The following IL7 variants were observed in gnomAD, a reference collection of about 807,000 sequenced individuals.
IL7 encodes interleukin 7.
A neutral mutation model predicts 21.6 loss-of-function variants in IL7; 3 were observed. The observed-to-expected ratio is 0.14, with a 90% confidence interval of 0.06 to 0.36. The LOEUF (loss-of-function observed/expected upper bound fraction) is 0.36. Ranked by LOEUF, IL7 falls within the 10% of genes least tolerant of loss-of-function variation. The pLI, the probability that IL7 is intolerant of heterozygous loss-of-function variation, is 1.00. For synonymous variants in IL7, 62 were observed against 68.1 expected, an observed-to-expected ratio of 0.91 and a Z score of 0.44; for missense variants, 175 against 200.2, an observed-to-expected ratio of 0.87 and a Z score of 0.76.
At chr8:78,756,132 T>G (rs918721415) in intron 2 of IL7, among the ~76,000 whole-genome samples, 2 of 152,084 alleles carry the variant, frequency 1.3e-5, no homozygotes, top group African/African-American at 4.8e-5. Context: ...TGTATCACAT[T>G]TATTGATTTG....
At chr8:78,683,013 A>G (rs1809839080) in intron 4 of IL7, among the ~76,000 whole-genome samples, 1 of 152,238 alleles carries the variant, frequency 6.6e-6, no homozygotes, top group Non-Finnish European at 1.5e-5. Context: ...CATCCAGGTC[A>G]TGCTGGTTCA....
At chr8:78,677,890 G>A (rs1809633969) in intron 4 of IL7, among the ~76,000 whole-genome samples, 2 of 152,170 alleles carry the variant, frequency 1.3e-5, no homozygotes, top group South Asian at 2.1e-4. Flanking sequence ...AAGGCTGCTG[G>A]TTGCCCACTT....
chr8:78,761,549 A>G, intron 2 of IL7: 1 of 1,611,910 alleles, frequency 6.2e-7, no homozygotes, highest in East Asian at 2.2e-5. Flanking sequence ...GAAGCCTATA[A>G]ATTCCTCTCT....
At chr8:78,716,795 G>A (rs1024521228), downstream of IL7, among the ~76,000 whole-genome samples, 20 of 152,128 alleles carry the variant, frequency 1.3e-4, no homozygotes, top group Non-Finnish European at 1.0e-4. Context: ...GGTGATAGGC[G>A]ATTGGATCAT....
intron 2 of IL7, among the ~76,000 whole-genome samples, chr8:78,765,561 C>A (rs1812729555): frequency 6.6e-6 from 1 of 151,894 alleles, no homozygotes; most frequent in Admixed American, 6.6e-5. Context: ...ACACAGATAG[C>A]AAATAAGCAT....
intron 2 of IL7, among the ~76,000 whole-genome samples, chr8:78,787,536 A>C (rs765662631): frequency 6.6e-6 from 1 of 152,152 alleles, no homozygotes; most frequent in Non-Finnish European, 1.5e-5. Context: ...CCCTGTTATT[A>C]ACACTGTGCT....
At chr8:78,712,630 GC>G (rs2130606818) in intron 3 of IL7, among the ~76,000 whole-genome samples, 1 of 152,224 alleles carries the variant, frequency 6.6e-6, no homozygotes, top group East Asian at 1.9e-4. Context: ...GTATGACACT[GC>G]CAAAGAGTCA....
intron 3 of IL7, chr8:78,723,771 A>G: frequency 4.6e-6 from 1 of 219,606 alleles, no homozygotes. Context: ...TTATTACACA[A>G]TCATTAATAA....
At chr8:78,778,178 C>G (rs1813196962) in intron 2 of IL7, among the ~76,000 whole-genome samples, 1 of 152,064 alleles carries the variant, frequency 6.6e-6, no homozygotes, top group Non-Finnish European at 1.5e-5. Context: ...CTTTTTTATA[C>G]CTGTGCTCAT....
At chr8:78,758,621 G>T (rs1416909157) in intron 2 of IL7, among the ~76,000 whole-genome samples, 5 of 151,928 alleles carry the variant, frequency 3.3e-5, no homozygotes, top group African/African-American at 9.7e-5. Flanking sequence ...GCTTTCCTGG[G>T]CATAGTATTC....
At chr8:78,686,375 A>C in intron 3 of IL7, 1 of 1,064,650 alleles carries the variant, frequency 9.4e-7, no homozygotes, top group East Asian at 3.2e-5. Context: ...GAGAACATTT[A>C]AAATGATATG....
chr8:78,741,365 T>C (rs997213861), intron 2 of IL7, among the ~76,000 whole-genome samples: 3 of 152,220 alleles, frequency 2.0e-5, no homozygotes, highest in African/African-American at 7.2e-5. Context: ...ATTTTCATGT[T>C]GACTTCCCCA....
chr8:78,740,150 AAATAATAATC>A, intron 2 of IL7, 68 bp from the exon 3 acceptor site: 2 of 938,156 alleles, frequency 2.1e-6, no homozygotes, highest in Non-Finnish European at 2.9e-6. Context: ...TAATTATAAA[AAATAATAATC>A]TTATAATATC....
chr8:78,696,957 C>CTCA, intron 3 of IL7, among the ~76,000 whole-genome samples: 2 of 152,124 alleles, frequency 1.3e-5, no homozygotes. Flanking sequence ...AAGTTTTTTC[C>CTCA]GTTAGACCTT....
chr8:78,675,701 C>A, downstream of IL7: 2 of 1,215,198 alleles, frequency 1.6e-6, no homozygotes, highest in Non-Finnish European at 1.1e-6. Flanking sequence ...GATAATTTAC[C>A]TATAAAACTA....
chr8:78,761,028 C>A, intron 2 of IL7: 1 of 1,612,358 alleles, frequency 6.2e-7, no homozygotes, highest in Non-Finnish European at 8.5e-7. Flanking sequence ...AGTACAAATG[C>A]TCGGCCAGCT....
intron 2 of IL7, among the ~76,000 whole-genome samples, chr8:78,787,496 T>C (rs1338463444): frequency 6.6e-6 from 1 of 152,146 alleles, no homozygotes; most frequent in Non-Finnish European, 1.5e-5. Context: ...TTCCCACAGA[T>C]ACTCTCTGTC....
chr8:78,704,592 A>C (rs1393999681), intron 3 of IL7, among the ~76,000 whole-genome samples: 1 of 152,020 alleles, frequency 6.6e-6, no homozygotes, highest in Non-Finnish European at 1.5e-5. Flanking sequence ...TGATCATCTC[A>C]TGAGTATCTT....
intron 2 of IL7, chr8:78,760,885 C>T: frequency 6.4e-7 from 1 of 1,560,582 alleles, no homozygotes; most frequent in Non-Finnish European, 8.7e-7. Context: ...GTACTGCAGT[C>T]AAGCTACCGG....
Sources: gnomAD v4.1 joint callset for allele counts (sites outside exome capture counted in the v4.1 genomes callset) on GRCh38, gnomAD v4.1.1 for gene constraint, MANE v1.5 for transcripts, NCBI Gene and HGNC (gene_info 2026-07-23, HGNC 2026-07-21) for gene names.